Variants in JAKMIP3 observed in about 807,000 individuals in gnomAD.
JAKMIP3 encodes the protein Janus kinase and microtubule interacting protein 3.
A neutral mutation model predicts 118.5 loss-of-function variants in JAKMIP3; 58 were observed. The ratio of observed to expected loss-of-function variants is 0.49; its 90% confidence interval spans 0.40 to 0.61. The LOEUF is 0.61. JAKMIP3 is among the 20% of genes least tolerant of loss of function. The probability of loss-of-function intolerance (pLI) is 0.00; values close to 1 mark genes in which losing one functional copy is unlikely to be tolerated. For missense variants in JAKMIP3, 950 were observed against 1,109.0 expected (o/e 0.86, Z 2.04); for synonymous variants, 486 against 451.2 (o/e 1.08, Z -0.98).
intron 1 of JAKMIP3, among the ~76,000 whole-genome samples, chr10:132,080,548 G>A (rs571209425): frequency 1.6e-4 from 16 of 101,054 alleles, no homozygotes; most frequent in East Asian, 1.5e-3. Flanking sequence ...TTAAGATGGA[G>A]TCTCTCTCTG....
At chr10:132,098,596 C>T (rs569904471) in intron 1 of JAKMIP3, among the ~76,000 whole-genome samples, 1 of 152,136 alleles carries the variant, frequency 6.6e-6, no homozygotes, top group Non-Finnish European at 1.5e-5. Context: ...GATCAGAGTG[C>T]GGACGTCCCT....
In JAKMIP3 at chr10:132,141,980, C is replaced by T. The variant is rs1260707084; in HGVS notation, c.1534C>T (p.Leu512=). 1.2e-6 allele frequency: 2 copies of T among 1,602,578 alleles called. No homozygotes were observed. Among genetic ancestry groups the T allele is most frequent in the East Asian group, 4.5e-5 (2 of 44,388 alleles). The change falls in exon 11 of 24, where the codon CTG becomes TTG. Residue 512 remains leucine (L), a synonymous_variant. Coordinates refer to ENST00000684848, the MANE Select transcript of JAKMIP3 (RefSeq NM_001323087.2). ...GCAGCTGACCATGGAGTACCAGGCC[C>T]TGCAGCGTGCCTACGCTTTGTTGCA... ...FRQLTMEYQA[L]QRAYALLQEQ... is the part of the protein sequence containing the mutation.
chr10:132,057,881 G>A (rs1188684945), intron 1 of JAKMIP3, among the ~76,000 whole-genome samples: 1 of 152,186 alleles, frequency 6.6e-6, no homozygotes, highest in African/African-American at 2.4e-5. Flanking sequence ...CACTAATAAC[G>A]CACATAATGG....
chr10:132,175,763 G>C lies in JAKMIP3; in HGVS notation c.*1104-6594G>C, dbSNP rs559555179. Among the ~76,000 whole-genome samples the C allele has an allele frequency of 2.4e-3, 368 of 152,298 alleles. 2 individuals carry two copies. The highest frequency in any genetic ancestry group is 8.5e-3 in the African/African-American group (353 of 41,554). ...TCTTAAAATCCAGGGATTTTAAAAG[G>C]CTGCCCCTGTTCAGGATGTATCCAC... On this transcript the variant is annotated intron_variant, in intron 23 of 23. Coordinates refer to ENST00000684848, the MANE Select transcript of JAKMIP3 (RefSeq NM_001323087.2).
intron 1 of JAKMIP3, among the ~76,000 whole-genome samples, chr10:132,083,052 C>T (rs2041981639): frequency 6.6e-6 from 1 of 152,132 alleles, no homozygotes; most frequent in Non-Finnish European, 1.5e-5. Context: ...GGGTAGATAC[C>T]CAGTAGTGGG....
rs1388172543 is a variant in JAKMIP3 at position 132,179,759 on chromosome 10, ACAC to A, written c.*1104-2594_*1104-2592del. On this transcript the variant is annotated intron_variant, in intron 23 of 23. Transcript: ENST00000684848. The surrounding 1 kb of genome is among the most constrained non-coding windows in gnomAD (Gnocchi z 4.3). ...AGCAGGGTCACGCCACGGCAGGGTC[ACAC>A]CACAACAGCCACACCATGGCACAGC... is the stretch of plus-strand genomic sequence containing the variant. Among the ~76,000 whole-genome samples, 1 of 152,082 alleles carries A rather than the reference ACAC, an allele frequency of 6.6e-6. No individual in the cohort carries two copies. The highest frequency in any genetic ancestry group is 1.9e-4 in the East Asian group (1 of 5,176).
At chr10:132,157,835 C>T (rs1158573815) in intron 19 of JAKMIP3, among the ~76,000 whole-genome samples, 1 of 152,116 alleles carries the variant, frequency 6.6e-6, no homozygotes, top group Admixed American at 6.6e-5. Context: ...ATATTTCACC[C>T]AGCTTGTTGT....
At chr10:132,130,802 G>A (rs1261328822) in intron 3 of JAKMIP3, among the ~76,000 whole-genome samples, 1 of 152,192 alleles carries the variant, frequency 6.6e-6, no homozygotes, top group African/African-American at 2.4e-5. Context: ...TGGGGCAGTG[G>A]TGAGATCATG....
intron 3 of JAKMIP3, among the ~76,000 whole-genome samples, chr10:132,121,436 A>T (rs1246904342): frequency 6.6e-6 from 1 of 152,178 alleles, no homozygotes; most frequent in African/African-American, 2.4e-5. Context: ...TGGCCATAGC[A>T]CGGGCCGGCA....
At chr10:132,105,069 G>A in intron 2 of JAKMIP3, 126 bp downstream of exon 2, 2 of 1,125,638 alleles carry the variant, frequency 1.8e-6, no homozygotes, top group Non-Finnish European at 2.5e-6. Context: ...CCTAAAGGCT[G>A]CTTGGGACAG....
At position 132,147,845 on chromosome 10, in the gene JAKMIP3, G is replaced by A. The variant is rs563846978; in HGVS notation, c.1750-107G>A. On this transcript the variant is annotated intron_variant, in intron 13 of 23. Coordinates refer to ENST00000684848, the MANE Select transcript of JAKMIP3 (RefSeq NM_001323087.2). ...TCCAGGGCTGGGTACCAGGCCAGCC[G>A]GCCTCCCCGGCAGCCAGCAGCTGTC... 27 of 767,892 alleles carry A rather than the reference G, an allele frequency of 3.5e-5. No individual in the cohort carries two copies. In the East Asian group the frequency reaches 6.0e-4, roughly 17 times the overall value. 47.6% of individuals were successfully genotyped at this position (767,892 alleles called of 1,614,324 possible).
At chr10:132,094,486 A>T (rs1246061186) in intron 1 of JAKMIP3, among the ~76,000 whole-genome samples, 1 of 151,848 alleles carries the variant, frequency 6.6e-6, no homozygotes, top group Non-Finnish European at 1.5e-5. Context: ...TTTCCTATGG[A>T]TGTGGCTTCC....
In JAKMIP3 at chr10:132,118,862, TGTGCGGGGAAGGAAG is replaced by T. The variant is rs1392527332; in HGVS notation, c.633+1290_633+1304del. On this transcript the variant is annotated intron_variant, in intron 3 of 23. Coordinates refer to ENST00000684848, the MANE Select transcript of JAKMIP3 (RefSeq NM_001323087.2). This position sits in a 1 kb window ranked among gnomAD's most constrained non-coding sequence, Gnocchi z 4.8. ...TCGCGTGACACGATGCTTGCTTTTC[TGTGCGGGGAAGGAAG>T]GAAGCGTTGCCACTGTCCCGGGAAG... Among the ~76,000 whole-genome samples, 1 of 152,218 alleles carries T rather than the reference TGTGCGGGGAAGGAAG, an allele frequency of 6.6e-6. No individual in the cohort carries two copies. The highest frequency in any genetic ancestry group is 1.5e-5 in the Non-Finnish European group (1 of 68,046).
At chr10:132,155,729 T>C (rs981427754) in intron 19 of JAKMIP3, among the ~76,000 whole-genome samples, 1 of 152,184 alleles carries the variant, frequency 6.6e-6, no homozygotes, top group African/African-American at 2.4e-5. Context: ...CCTGTTGCTA[T>C]GGTTAGTGTC....
At chr10:132,038,241 G>A (rs1211711218) in intron 1 of JAKMIP3, among the ~76,000 whole-genome samples, 1 of 152,076 alleles carries the variant, frequency 6.6e-6, no homozygotes, top group African/African-American at 2.4e-5. Flanking sequence ...GAGGACTGGT[G>A]GTGGGTTCCG....
chr10:132,152,853 G>A (rs767690606), intron 16 of JAKMIP3, 105 bp from the exon 17 acceptor site: 43 of 843,664 alleles, frequency 5.1e-5, no homozygotes, highest in African/African-American at 1.5e-4. Context: ...CCACCCAGGC[G>A]TCCCCAGTCA....
rs182717557 is a variant in JAKMIP3 at position 132,171,027 on chromosome 10, G to A, written c.*1103+1994G>A. 2.3e-3 allele frequency among the ~76,000 whole-genome samples: 352 copies of A among 152,364 alleles called. 1 individual carries two copies. The highest frequency in any genetic ancestry group is 6.2e-3 in the African/African-American group (258 of 41,588). ...AGCTAACCCAGGGGTGGGGAAACCT[G>A]TGAGCAGAAACCTGTCCCCGCTGGA... On this transcript the variant is annotated intron_variant, in intron 23 of 23. Transcript: ENST00000684848.
In JAKMIP3 at chr10:132,184,716, T is replaced by G. The variant is rs1374266447; in HGVS notation, c.*3463T>G. On this transcript the variant is annotated 3_prime_UTR_variant, in exon 24 of 24. Coordinates refer to ENST00000684848, the MANE Select transcript of JAKMIP3 (RefSeq NM_001323087.2). ...GGTGATCTACAAGATTTTACAAATA[T>G]TTTTGTATTGTGATTCCTATGATAT... 6.6e-6 allele frequency: 1 copy of G among 152,242 alleles called. No individual in the cohort carries two copies. The highest frequency in any genetic ancestry group is 2.4e-5 in the African/African-American group (1 of 41,462). 9.4% of individuals were successfully genotyped at this position (152,242 alleles called of 1,614,324 possible).
chr10:132,172,974 TCCTTCC>T (rs1173799741), intron 23 of JAKMIP3, among the ~76,000 whole-genome samples: 3 of 100,188 alleles, frequency 3.0e-5, no homozygotes, highest in African/African-American at 7.0e-5. Context: ...TCCCTCTCTC[TCCTTCC>T]CTCTCTCTCT....
Sources: gnomAD v4.1 joint callset for allele counts (sites outside exome capture counted in the v4.1 genomes callset) on GRCh38, gnomAD v4.1.1 for gene constraint, Gnocchi (gnomAD v3.1) non-coding constraint, MANE v1.5 for transcripts, NCBI Gene and HGNC (gene_info 2026-07-23, HGNC 2026-07-21) for gene names.